DENND6A: variants seen among roughly 807,000 people sequenced by gnomAD.
DENND6A encodes the protein DENN domain containing 6A.
Under a neutral mutation model 95.5 loss-of-function variants are expected in DENND6A, and 43 were observed. The observed-to-expected ratio is 0.45, with a 90% CI of 0.35 to 0.58. The LOEUF is 0.58. Ranked by LOEUF, DENND6A falls within the 20% of genes least tolerant of loss-of-function variation. The pLI, the probability that DENND6A is intolerant of heterozygous loss-of-function variation, is 0.00. For synonymous variants in DENND6A, 257 were observed against 260.4 expected (o/e 0.99, Z 0.13); for missense variants, 574 against 736.0 (o/e 0.78, Z 2.55).
At chr3:57,670,986 A>C (rs1484638201) in intron 3 of DENND6A, among the ~76,000 whole-genome samples, 1 of 152,248 alleles carries the variant, frequency 6.6e-6, no homozygotes, top group Non-Finnish European at 1.5e-5. Flanking sequence ...TCATTATTTC[A>C]TAAATGGGTC....
chr3:57,641,683 T>C lies in DENND6A; in HGVS notation c.1102A>G (p.Ile368Val), dbSNP rs774938333. The change falls in exon 12 of 20, where the codon ATT becomes GTT. Residue 368 changes from isoleucine (I) to valine (V), a missense_variant. Physicochemically the swap from Ile to Val is conservative, Grantham distance 29. This residue lies in a region of DENND6A where 452 missense variants were observed against 630.9 expected (regional missense o/e 0.72). Transcript: ENST00000311128. ...FAKTLQHWPHIIRIGDLKPTG... is the reference protein window; with the variant it reads ...FAKTLQHWPHVIRIGDLKPTG... ...GGTTTAAGGTCTCCTATTCGAATAATGTGTGGCCAGTGCTGGAGTGTCTTA... is the reference window on the plus strand; with the variant it reads ...GGTTTAAGGTCTCCTATTCGAATAACGTGTGGCCAGTGCTGGAGTGTCTTA... The C allele has an allele frequency of 1.6e-5, 26 of 1,613,030 alleles. No homozygotes were observed. The South Asian group carries it at 2.6e-4, about 16-fold the overall frequency.
chr3:57,655,702 C>G (rs941649368), intron 9 of DENND6A, among the ~76,000 whole-genome samples: 2 of 152,078 alleles, frequency 1.3e-5, no homozygotes, highest in African/African-American at 4.8e-5. Context: ...TAAACTTGGG[C>G]CCATCCCCAA....
chr3:57,659,578 C>T (rs924709166), intron 7 of DENND6A, among the ~76,000 whole-genome samples: 6 of 152,172 alleles, frequency 3.9e-5, no homozygotes, highest in Non-Finnish European at 7.3e-5. Context: ...CCAGAACTAT[C>T]AGTATTACTT....
intron 1 of DENND6A, among the ~76,000 whole-genome samples, chr3:57,688,683 C>CAAA (rs11406696): frequency 6.7e-6 from 1 of 149,996 alleles, no homozygotes; most frequent in Non-Finnish European, 1.5e-5. Flanking sequence ...AGACCAAAGA[C>CAAA]AAAAAAAAAC....
chr3:57,633,474 C>T (rs2070728230), intron 14 of DENND6A, 120 bp from the exon 15 acceptor site: 2 of 810,638 alleles, frequency 2.5e-6, no homozygotes, highest in Non-Finnish European at 3.9e-6. Flanking sequence ...AAAACTAGAA[C>T]TTCACCTTGA....
chr3:57,674,555 T>C (rs1243635459), intron 1 of DENND6A, among the ~76,000 whole-genome samples: 1 of 151,006 alleles, frequency 6.6e-6, no homozygotes, highest in Non-Finnish European at 1.5e-5. Flanking sequence ...TGCTTGAACC[T>C]GGACCTGTGA....
chr3:57,687,473 T>C (rs921038415), intron 1 of DENND6A, among the ~76,000 whole-genome samples: 2 of 152,186 alleles, frequency 1.3e-5, no homozygotes, highest in African/African-American at 2.4e-5. Context: ...CAAGGACTGA[T>C]AGAGAGCTGC....
intron 9 of DENND6A, among the ~76,000 whole-genome samples, chr3:57,653,554 G>A (rs969874483): frequency 9.9e-5 from 15 of 151,950 alleles, no homozygotes; most frequent in Admixed American, 3.9e-4. Flanking sequence ...GACCATCCTG[G>A]CTAACAACGG....
Position 57,693,051 on chromosome 3 carries a change from C to T in DENND6A, c.-33G>A. The T allele has an allele frequency of 2.2e-6, 3 of 1,363,186 alleles. No individual in the cohort carries two copies. The highest frequency in any genetic ancestry group is 2.8e-6 in the Non-Finnish European group (3 of 1,064,864). 84.4% of individuals were successfully genotyped at this position (1,363,186 alleles called of 1,614,324 possible). ...CCCCTGACCGTTCGCGCCGCCTCCA[C>T]AGCGGACCGCGCCGCAGAGCGCGCT... On this transcript the variant is annotated 5_prime_UTR_variant, in exon 1 of 20. In the 5' UTR this introduces an upstream ATG that the reference lacks. Transcript: ENST00000311128.
chr3:57,629,507 CTTTTTTTTTTTTT>C (rs1165802821), intron 18 of DENND6A, among the ~76,000 whole-genome samples: 3 of 98,228 alleles, frequency 3.1e-5, no homozygotes, highest in Non-Finnish European at 4.0e-5. Flanking sequence ...AATCAGTCCG[CTTTTTTTTTTTTT>C]TTTTTTTTTG....
At chr3:57,654,935 A>G in intron 9 of DENND6A, 1 of 305,598 alleles carries the variant, frequency 3.3e-6, no homozygotes, top group Non-Finnish European at 4.8e-6. Context: ...TCACAAATAA[A>G]GCATTAATCT....
chr3:57,681,025 T>C (rs1408610932), intron 1 of DENND6A, among the ~76,000 whole-genome samples: 3 of 152,146 alleles, frequency 2.0e-5, no homozygotes, highest in Non-Finnish European at 4.4e-5. Flanking sequence ...GCCCTGCAAT[T>C]TCAATGCTAG....
intron 3 of DENND6A, among the ~76,000 whole-genome samples, chr3:57,668,214 A>C (rs532347603): frequency 1.3e-5 from 2 of 152,324 alleles, no homozygotes; most frequent in Admixed American, 1.3e-4. Context: ...TCAACACGGT[A>C]TGAGAAGTGC....
At chr3:57,681,780 C>A (rs117992943) in intron 1 of DENND6A, among the ~76,000 whole-genome samples, 2 of 151,896 alleles carry the variant, frequency 1.3e-5, no homozygotes, top group African/African-American at 4.8e-5. Context: ...CATGGATGAA[C>A]GTATATGATT....
At chr3:57,674,536 CAGG>C (rs1026474446) in intron 1 of DENND6A, among the ~76,000 whole-genome samples, 1 of 151,742 alleles carries the variant, frequency 6.6e-6, no homozygotes, top group African/African-American at 2.4e-5. Flanking sequence ...GAGGCTGAAG[CAGG>C]AGAATTGCTT....
intron 9 of DENND6A, among the ~76,000 whole-genome samples, chr3:57,647,209 C>T (rs143824833): frequency 1.3e-5 from 2 of 152,058 alleles, no homozygotes; most frequent in Non-Finnish European, 2.9e-5. Context: ...CAATTAAGTG[C>T]AAAAATATGC....
chr3:57,676,450 T>C (rs963321083), intron 1 of DENND6A, among the ~76,000 whole-genome samples: 1 of 151,672 alleles, frequency 6.6e-6, no homozygotes, highest in Non-Finnish European at 1.5e-5. Context: ...TCTCTAATCT[T>C]TTAACAGTTA....
intron 4 of DENND6A, among the ~76,000 whole-genome samples, chr3:57,665,101 G>A (rs1015907230): frequency 2.0e-5 from 3 of 150,428 alleles, no homozygotes; most frequent in Non-Finnish European, 4.4e-5. Flanking sequence ...ATTAAAATAC[G>A]GCACATATAT....
chr3:57,689,814 A>G (rs532734074), intron 1 of DENND6A, among the ~76,000 whole-genome samples: 3 of 152,140 alleles, frequency 2.0e-5, no homozygotes, highest in Non-Finnish European at 4.4e-5. Flanking sequence ...CTATAATCCC[A>G]GCACTTTGGA....
Sources: gnomAD v4.1 joint callset for allele counts (sites outside exome capture counted in the v4.1 genomes callset) on GRCh38, gnomAD v4.1.1 for gene constraint, gnomAD v4.1.1 regional missense constraint, MANE v1.5 for transcripts, NCBI Gene and HGNC (gene_info 2026-07-23, HGNC 2026-07-21) for gene names.